CAMSAP3: variants seen among roughly 807,000 people sequenced by gnomAD.
The protein encoded by CAMSAP3 is calmodulin-regulated spectrin-associated protein 3.
A neutral mutation model predicts 112.5 loss-of-function variants in CAMSAP3; 34 were observed. That is an observed-to-expected ratio of 0.30 (90% CI 0.23 to 0.40). The LOEUF is 0.40. Among genes scored for constraint, CAMSAP3 ranks in the 10% least tolerant of loss-of-function variants. The pLI is 1.00. For synonymous variants in CAMSAP3, 868 were observed against 799.8 expected (o/e 1.09, Z -1.44); for missense variants, 1,602 against 1,770.3 (o/e 0.90, Z 1.71).
At position 7,617,119 on chromosome 19, in the gene CAMSAP3, G is replaced by A. The variant is rs1452053866; in HGVS notation, c.3213-207G>A. 6.6e-6 allele frequency among the ~76,000 whole-genome samples: 1 copy of A among 151,828 alleles called. No individual in the cohort carries two copies. The highest frequency in any genetic ancestry group is 2.4e-5 in the African/African-American group (1 of 41,316). On this transcript the variant is annotated intron_variant, in intron 14 of 16. Transcript: ENST00000160298. This position sits in a 1 kb window ranked among gnomAD's most constrained non-coding sequence, Gnocchi z 7.5. ...GCCTGTAGAGACGGTGTTTCACCAT[G>A]TTGGCCAGGCTGGCCTCGAACTCCC...
At position 7,605,436 on chromosome 19, in the gene CAMSAP3, G is replaced by A; in HGVS notation, c.359G>A (p.Arg120His). 2 of 1,455,108 alleles carry A rather than the reference G, an allele frequency of 1.4e-6. No homozygotes were observed. Among genetic ancestry groups the A allele is most frequent in the Non-Finnish European group, 9.1e-7 (1 of 1,100,436 alleles). The allele number at this position is 1,455,108 out of a possible 1,614,324, so 90.1% of individuals were successfully genotyped here. A position where few individuals can be genotyped will look rare whatever the true frequency, so the allele number is the denominator to read the frequency against. Residue 120 changes from arginine to histidine, a missense_variant, in exon 2 of 17, where the codon CGC becomes CAC. Arg to His is a conservative substitution (Grantham distance 29, BLOSUM62 0). This residue lies in a region of CAMSAP3 where 35 missense variants were observed against 79.8 expected (regional missense o/e 0.44). Transcript: ENST00000160298. ...RRGTVPALPE[R>H]PVREADLRHQ... The stretch of plus-strand genomic sequence containing the variant: ...GGCACAGTGCCTGCTTTGCCCGAGC[G>A]CCCGGTGCGCGAGGCCGACCTGAGG...
chr19:7,612,981 G>T lies in CAMSAP3; in HGVS notation c.2488G>T (p.Glu830Ter). 6.3e-7 allele frequency: 1 copy of T among 1,591,910 alleles called. No individual in the cohort carries two copies. ...GACGCGCTCTTCCATCCTCCTGGCGGAGGAGACGCCCCCCGAGGAGCCAGC... is the reference window on the plus strand; with the variant it reads ...GACGCGCTCTTCCATCCTCCTGGCGTAGGAGACGCCCCCCGAGGAGCCAGC... Reference protein sequence around the residue: ...VQTRSSILLAEETPPEEPAAR... With the variant: ...VQTRSSILLA The change falls in exon 11 of 17, where the codon GAG becomes TAG. Residue 830 changes from glutamate to a stop codon, truncating the protein, a stop_gained. Transcript: ENST00000160298. LOFTEE classifies it high-confidence loss of function.
intron 1 of CAMSAP3, among the ~76,000 whole-genome samples, chr19:7,598,074 C>T (rs1282333987): frequency 6.6e-6 from 1 of 152,026 alleles, no homozygotes; most frequent in Admixed American, 6.6e-5. Context: ...GCTGGGCGCT[C>T]AGGGTGTAGA....
rs1239724974 is a variant in CAMSAP3 at position 7,610,183 on chromosome 19, TG to T, written c.761-291del. 1.3e-5 allele frequency among the ~76,000 whole-genome samples: 2 copies of T among 151,998 alleles called. No homozygotes were observed. The highest frequency in any genetic ancestry group is 2.4e-5 in the African/African-American group (1 of 41,356). On this transcript the variant is annotated intron_variant, in intron 5 of 16. Transcript: ENST00000160298. This position sits in a 1 kb window ranked among gnomAD's most constrained non-coding sequence, Gnocchi z 4.9. ...ACCACAAAAAATTAGCCTGGTGTTG[TG>T]GCACACTCCTGTAATCCCAGCTACT...
At position 7,610,775 on chromosome 19, in the gene CAMSAP3, G is replaced by T. The variant is rs1252722172; in HGVS notation, c.976G>T (p.Asp326Tyr). The T allele has an allele frequency of 7.4e-6, 12 of 1,613,744 alleles. No individual in the cohort carries two copies. Among genetic ancestry groups the T allele is most frequent in the East Asian group, 2.2e-5 (1 of 44,882 alleles). ...VLKPDFVQVKDLPDGHAASPR... is the reference protein window; with the variant it reads ...VLKPDFVQVKYLPDGHAASPR... ...CAAGCCCGACTTTGTGCAAGTGAAG[G>T]ACTTGCCCGATGGTCACGGTGAGGC... The change falls in exon 7 of 17, where the codon GAC becomes TAC. Residue 326 changes from aspartate to tyrosine, a missense_variant. Coordinates refer to ENST00000160298, the MANE Select transcript of CAMSAP3 (RefSeq NM_020902.2). This position sits in a 1 kb window ranked among gnomAD's most constrained non-coding sequence, Gnocchi z 4.9.
chr19:7,607,780 GCA>G lies in CAMSAP3; in HGVS notation c.622-344_622-343del. ...GTGGGCTTGGGGGCCCAGCAGGTCA[GCA>G]CCCCTCCCCCTTGCTGATGGCTGCT... On this transcript the variant is annotated intron_variant, in intron 4 of 16. Transcript: ENST00000160298. This position sits in a 1 kb window ranked among gnomAD's most constrained non-coding sequence, Gnocchi z 4.9. 1 of 754,998 alleles carries G rather than the reference GCA, an allele frequency of 1.3e-6. No individual in the cohort carries two copies. The highest frequency in any genetic ancestry group is 2.0e-5 in the South Asian group (1 of 50,886). 46.8% of individuals were successfully genotyped at this position (754,998 alleles called of 1,614,324 possible). A position where few individuals can be genotyped will look rare whatever the true frequency, so the allele number is the denominator to read the frequency against.
chr19:7,612,418 C>T lies in CAMSAP3; in HGVS notation c.1925C>T (p.Pro642Leu), dbSNP rs775326780. ...LGKSAFLQVQ[P>L]REASGEAEAE... ...AAAAGCGCCTTCCTGCAGGTGCAGCCGCGGGAAGCCTCTGGGGAGGCGGAA... is the reference window on the plus strand; with the variant it reads ...AAAAGCGCCTTCCTGCAGGTGCAGCTGCGGGAAGCCTCTGGGGAGGCGGAA... The change falls in exon 11 of 17, where the codon CCG becomes CTG. Residue 642 changes from proline (P) to leucine (L), a missense_variant. Around this residue, in one of 6 missense-constraint regions of CAMSAP3, gnomAD observed 1,100 missense variants for 1,135.7 expected, o/e 0.97. Transcript: ENST00000160298. The T allele has an allele frequency of 1.2e-5, 19 of 1,590,926 alleles. No individual in the cohort carries two copies. The highest frequency in any genetic ancestry group is 1.1e-5 in the South Asian group (1 of 88,506).
Position 7,616,636 on chromosome 19 carries a change from G to T in CAMSAP3, c.3212+14G>T. 1.3e-6 allele frequency: 2 copies of T among 1,586,460 alleles called. No individual in the cohort carries two copies. Among genetic ancestry groups the T allele is most frequent in the Non-Finnish European group, 1.7e-6 (2 of 1,164,396 alleles). On this transcript the variant is annotated intron_variant, in intron 14 of 16. Transcript: ENST00000160298. ...GCCCACGTCTCGGTGAGTTTAGCCC[G>T]CACAGGCGGGGTTCGTATGCCGGGT...
intron 11 of CAMSAP3, among the ~76,000 whole-genome samples, chr19:7,614,097 T>TA (rs2030648445): frequency 6.6e-6 from 1 of 151,474 alleles, no homozygotes; most frequent in Non-Finnish European, 1.5e-5. Flanking sequence ...CCGTCTCTAC[T>TA]AAAAATACAA....
Position 7,615,827 on chromosome 19 carries a change from C to CTGCCCAGTGCCCTTTCCGGGGCTCACT in CAMSAP3, c.3112+108_3112+109insTGCCCAGTGCCCTTTCCGGGGCTCACT. ...GGGAGGGAGATGTAAGCAGGGGTGC[C>CTGCCCAGTGCCCTTTCCGGGGCTCACT]GGGAGGGGGCGGGTATGTGGGGTGA... is the stretch of plus-strand genomic sequence containing the variant. On this transcript the variant is annotated intron_variant, in intron 13 of 16. Coordinates refer to ENST00000160298, the MANE Select transcript of CAMSAP3 (RefSeq NM_020902.2). The surrounding 1 kb of genome is among the most constrained non-coding windows in gnomAD (Gnocchi z 6.5). 1 of 7,710 alleles carries CTGCCCAGTGCCCTTTCCGGGGCTCACT rather than the reference C, an allele frequency of 1.3e-4. No individual in the cohort carries two copies. The highest frequency in any genetic ancestry group is 3.8e-4 in the Non-Finnish European group (1 of 2,640). The allele number at this position is 7,710 out of a possible 1,614,324, so 0.5% of individuals were successfully genotyped here.
chr19:7,615,116 A>T lies in CAMSAP3; in HGVS notation c.2671-67A>T. 1 of 1,533,394 alleles carries T rather than the reference A, an allele frequency of 6.5e-7. No homozygotes were observed. Among genetic ancestry groups the T allele is most frequent in the Non-Finnish European group, 8.8e-7 (1 of 1,133,748 alleles). The allele number at this position is 1,533,394 out of a possible 1,614,324, so 95.0% of individuals were successfully genotyped here. On this transcript the variant is annotated intron_variant, in intron 11 of 16. Coordinates refer to ENST00000160298, the MANE Select transcript of CAMSAP3 (RefSeq NM_020902.2). The surrounding 1 kb of genome is among the most constrained non-coding windows in gnomAD (Gnocchi z 6.5). Reference sequence around the variant, plus strand: ...GGTGGGTGGCGGGCAGGCTGGGTGGAGGGAAGATGGGCCTCCAGCCATGTT... The same window carrying T: ...GGTGGGTGGCGGGCAGGCTGGGTGGTGGGAAGATGGGCCTCCAGCCATGTT...
rs1243130359 is a variant in CAMSAP3, at chr19:7,615,171, G to A, written c.2671-12G>A. On this transcript the variant is annotated splice_polypyrimidine_tract_variant and intron_variant, in intron 11 of 16. Coordinates refer to ENST00000160298, the MANE Select transcript of CAMSAP3 (RefSeq NM_020902.2). The surrounding 1 kb of genome is among the most constrained non-coding windows in gnomAD (Gnocchi z 6.5). ...GAGGGGGTGGCTGGCTGGACTCGGC[G>A]TCTGTCCCCAGGATGAAGACAAGCC... The A allele has an allele frequency of 1.4e-5, 22 of 1,553,988 alleles. No individual in the cohort carries two copies. Among genetic ancestry groups the A allele is most frequent in the Non-Finnish European group, 1.5e-5 (17 of 1,149,188 alleles).
chr19:7,610,592 C>A lies in CAMSAP3; in HGVS notation c.877C>A (p.Leu293Met). 1 of 1,613,386 alleles carries A rather than the reference C, an allele frequency of 6.2e-7. No individual in the cohort carries two copies. The highest frequency in any genetic ancestry group is 8.5e-7 in the Non-Finnish European group (1 of 1,179,884). The change falls in exon 6 of 17, where the codon CTG (leucine) becomes ATG (methionine). Residue 293 changes from leucine (L) to methionine (M), a missense_variant. Transcript: ENST00000160298. This position sits in a 1 kb window ranked among gnomAD's most constrained non-coding sequence, Gnocchi z 4.9. ...RGCPLSLEDL[L>M]YVPPPLKVNL... ...CTGCCCCCTGTCCCTTGAGGACTTGCTGTACGTCCCACCGCCACTCAAGGT... is the reference window on the plus strand; with the variant it reads ...CTGCCCCCTGTCCCTTGAGGACTTGATGTACGTCCCACCGCCACTCAAGGT...
At position 7,608,895 on chromosome 19, in the gene CAMSAP3, A is replaced by C. The variant is rs999296258; in HGVS notation, c.760+631A>C. ...GTGATCTGCCTACCTTGGCCTCCCT[A>C]AGTGCTGGGATTGCAAGTGTGAACC... On this transcript the variant is annotated intron_variant, in intron 5 of 16. Coordinates refer to ENST00000160298, the MANE Select transcript of CAMSAP3 (RefSeq NM_020902.2). Among the ~76,000 whole-genome samples the C allele has an allele frequency of 2.0e-5, 3 of 152,072 alleles. No homozygotes were observed. The South Asian group carries it at 6.2e-4, about 32-fold the overall frequency.
chr19:7,603,042 G>A (rs1012078550), intron 1 of CAMSAP3, among the ~76,000 whole-genome samples: 5 of 152,074 alleles, frequency 3.3e-5, no homozygotes, highest in Admixed American at 6.6e-5. Context: ...CGGGTGGCGC[G>A]TTAAGTGGGA....
chr19:7,616,953 T>TTTTTTTTTTTTG (rs2030838432), intron 14 of CAMSAP3, among the ~76,000 whole-genome samples: 1 of 131,990 alleles, frequency 7.6e-6, no homozygotes. Flanking sequence ...TTTTTTTTTT[T>TTTTTTTTTTTTG]TTTTTGTTTT....
chr19:7,611,927 G>A lies in CAMSAP3; in HGVS notation c.1434G>A (p.Ala478=), dbSNP rs776758341. 6 of 1,591,194 alleles carry A rather than the reference G, an allele frequency of 3.8e-6. No homozygotes were observed. Among genetic ancestry groups the A allele is most frequent in the South Asian group, 1.1e-5 (1 of 89,480 alleles). ...AGCCCCGGCTCCTCCCAGATGGGGC[G>A]GCCGACGGCAGCTTCTACCTCCACT... The part of the protein sequence containing the change: ...SAEPRLLPDG[A]ADGSFYLHSP... Residue 478 remains alanine (A), a synonymous_variant, in exon 11 of 17, where the codon GCG becomes GCA. Coordinates refer to ENST00000160298, the MANE Select transcript of CAMSAP3 (RefSeq NM_020902.2). The surrounding 1 kb of genome is among the most constrained non-coding windows in gnomAD (Gnocchi z 6.9).
chr19:7,606,187 G>T (rs945573987), intron 2 of CAMSAP3, 84 bp from the exon 3 acceptor site: 40 of 1,144,502 alleles, frequency 3.5e-5, no homozygotes, highest in Non-Finnish European at 4.5e-5. Context: ...CCATCTGCAG[G>T]TTCTTCCTTT....
intron 1 of CAMSAP3, among the ~76,000 whole-genome samples, chr19:7,597,960 A>C (rs896364580): frequency 4.0e-5 from 6 of 151,588 alleles, no homozygotes; most frequent in African/African-American, 1.5e-4. Context: ...TCCCTGTTCC[A>C]CTCCCCTAAA....
Sources: gnomAD v4.1 joint callset for allele counts (sites outside exome capture counted in the v4.1 genomes callset) on GRCh38, gnomAD v4.1.1 for gene constraint, gnomAD v4.1.1 regional missense constraint, Gnocchi (gnomAD v3.1) non-coding constraint, MANE v1.5 for transcripts, NCBI Gene and HGNC (gene_info 2026-07-23, HGNC 2026-07-21) for gene names.